Variants in PAK3 observed in about 807,000 individuals in gnomAD.
PAK3 encodes the protein p21 (RAC1) activated kinase 3.
PAK3 carries 4 observed loss-of-function variants against 41.0 expected under a neutral mutation model. The ratio of observed to expected loss-of-function variants is 0.10; its 90% CI spans 0.05 to 0.22. The LOEUF (loss-of-function observed/expected upper bound fraction) is 0.22. Among genes scored for constraint, PAK3 ranks in the 10% least tolerant of loss-of-function variants. PAK3 has a pLI of 1.00. For missense variants in PAK3, 205 were observed against 409.9 expected, an observed-to-expected ratio of 0.50 and a Z score of 4.32; for synonymous variants, 146 against 139.6, an observed-to-expected ratio of 1.05 and a Z score of -0.32.
intron 1 of PAK3, among the ~76,000 whole-genome samples, chrX:111,036,167 T>C (rs777632490): frequency 2.7e-5 from 3 of 111,917 alleles, no homozygotes; most frequent in Non-Finnish European, 5.6e-5. Flanking sequence ...AGGAATTACA[T>C]GAGGCTAAGC....
At chrX:111,154,438 C>T (rs908198306) in intron 8 of PAK3, among the ~76,000 whole-genome samples, 1 of 111,452 alleles carries the variant, frequency 9.0e-6, no homozygotes. Flanking sequence ...CTTTCCTCAG[C>T]TTTAAGAGGG....
At chrX:111,072,729 G>A (rs1238497969) in intron 1 of PAK3, among the ~76,000 whole-genome samples, 1 of 112,196 alleles carries the variant, frequency 8.9e-6, no homozygotes, top group Admixed American at 9.4e-5. Context: ...GGATGGAGGA[G>A]CAATCTGATA....
intron 1 of PAK3, among the ~76,000 whole-genome samples, chrX:110,969,442 C>G (rs768272703): frequency 1.2e-3 from 103 of 85,445 alleles, no homozygotes; most frequent in Non-Finnish European, 2.1e-3. Flanking sequence ...TGCTACCAGA[C>G]GTGGCTAATT....
At chrX:110,962,097 C>G (rs1176071685) in intron 1 of PAK3, among the ~76,000 whole-genome samples, 1 of 111,945 alleles carries the variant, frequency 8.9e-6, no homozygotes, top group African/African-American at 3.3e-5. Context: ...CTTCAAGTAT[C>G]ACCTACATGT....
intron 7 of PAK3, among the ~76,000 whole-genome samples, chrX:111,149,225 C>A (rs1246408899): frequency 8.9e-6 from 1 of 111,753 alleles, no homozygotes; most frequent in East Asian, 2.9e-4. Flanking sequence ...TGGTCTTGGG[C>A]AGCTCTACCC....
intron 5 of PAK3, among the ~76,000 whole-genome samples, chrX:111,137,357 G>T (rs748209567): frequency 9.0e-6 from 1 of 111,331 alleles, no homozygotes; most frequent in African/African-American, 3.3e-5. Flanking sequence ...ATTGTTCTCA[G>T]TCCCAGCTAA....
chrX:111,112,604 A>G (rs1056959214), intron 4 of PAK3, among the ~76,000 whole-genome samples: 6 of 110,696 alleles, frequency 5.4e-5, no homozygotes, highest in Admixed American at 3.9e-4. Context: ...AAAGCATCCA[A>G]TGCCTACCTT....
chrX:111,085,986 A>G (rs2092878291), intron 1 of PAK3, among the ~76,000 whole-genome samples: 1 of 110,613 alleles, frequency 9.0e-6, no homozygotes, highest in Non-Finnish European at 1.9e-5. Context: ...CTAATTTCAT[A>G]ATATTTTTAA....
intron 1 of PAK3, among the ~76,000 whole-genome samples, chrX:111,053,476 T>C (rs968692112): frequency 8.9e-6 from 1 of 111,764 alleles, no homozygotes; most frequent in African/African-American, 3.3e-5. Context: ...TAGTCAACAA[T>C]AGGCAACGAT....
intron 1 of PAK3, among the ~76,000 whole-genome samples, chrX:110,955,223 G>A (rs2090830996): frequency 8.9e-6 from 1 of 111,901 alleles, no homozygotes; most frequent in Admixed American, 9.4e-5. Context: ...CTAACCTAAT[G>A]CCCTTTTTGA....
At chrX:111,014,513 A>G (rs1472102267) in intron 1 of PAK3, among the ~76,000 whole-genome samples, 1 of 111,461 alleles carries the variant, frequency 9.0e-6, no homozygotes, top group Non-Finnish European at 1.9e-5. Context: ...CAGTGTGAAG[A>G]CCACTGGCCT....
intron 4 of PAK3, among the ~76,000 whole-genome samples, chrX:111,106,915 A>T (rs764762638): frequency 4.5e-5 from 5 of 111,746 alleles, no homozygotes; most frequent in Non-Finnish European, 9.4e-5. Context: ...AAACCCACAG[A>T]TCAAGTTTTC....
At chrX:111,195,592 C>T (rs1483170712) in intron 14 of PAK3, among the ~76,000 whole-genome samples, 1 of 111,778 alleles carries the variant, frequency 8.9e-6, no homozygotes, top group Non-Finnish European at 1.9e-5. Flanking sequence ...TTGATTGGTG[C>T]TATTTATCAC....
At chrX:110,951,504 T>G (rs2148592652) in intron 1 of PAK3, among the ~76,000 whole-genome samples, 1 of 112,157 alleles carries the variant, frequency 8.9e-6, no homozygotes, top group East Asian at 2.8e-4. Flanking sequence ...CTAAAATATT[T>G]CTAGCAAGTT....
chrX:111,028,548 T>C (rs1285630822), intron 1 of PAK3, among the ~76,000 whole-genome samples: 1 of 110,974 alleles, frequency 9.0e-6, no homozygotes, highest in African/African-American at 3.3e-5. Flanking sequence ...GGAAAAATAA[T>C]AATTTAACAA....
intron 1 of PAK3, among the ~76,000 whole-genome samples, chrX:110,966,993 C>T (rs1201851263): frequency 8.9e-6 from 1 of 112,182 alleles, no homozygotes; most frequent in Non-Finnish European, 1.9e-5. Flanking sequence ...TGCAAAATTG[C>T]ATTTTCTGTG....
chrX:111,184,010 T>C (rs2094485298), intron 11 of PAK3, among the ~76,000 whole-genome samples: 1 of 111,787 alleles, frequency 8.9e-6, no homozygotes, highest in Admixed American at 9.5e-5. Flanking sequence ...TGTTACTTAC[T>C]TGCTATGTTA....
chrX:111,195,965 AT>A, intron 15 of PAK3, 24 bp downstream of exon 15: 1 of 810,672 alleles, frequency 1.2e-6, no homozygotes, highest in Non-Finnish European at 1.9e-6. Flanking sequence ...TTCAGGTGGT[AT>A]TAGAGTATCA....
At position 111,196,055 on chromosome X, in the gene PAK3, C is replaced by T. The variant is rs2094610164; in HGVS notation, c.1210+114C>T. 2.4e-5 allele frequency: 14 copies of T among 576,491 alleles called. No individual in the cohort carries two copies. In the South Asian group the frequency reaches 2.9e-4, roughly 12 times the overall value. 47.5% of individuals were successfully genotyped at this position (576,491 alleles called of 1,213,427 possible). A position where few individuals can be genotyped will look rare whatever the true frequency, so the allele number is the denominator to read the frequency against. On this transcript the variant is annotated intron_variant, in intron 15 of 17. Coordinates refer to ENST00000372007, the MANE Select transcript of PAK3 (RefSeq NM_002578.5). Reference sequence around the variant, plus strand: ...TGATTTATTTGAAAGAAGTTACAGCCCAGTTTGAAGTAAAGAATTTTTCTA... The same window carrying T: ...TGATTTATTTGAAAGAAGTTACAGCTCAGTTTGAAGTAAAGAATTTTTCTA...
Sources: allele counts gnomAD v4.1 joint callset (sites outside exome capture counted in the v4.1 genomes callset), GRCh38; gene constraint gnomAD v4.1.1; transcripts MANE v1.5; gene names NCBI Gene and HGNC (gene_info 2026-07-23, HGNC 2026-07-21).